Variants in SHANK2 observed in about 807,000 individuals in gnomAD.
SHANK2 encodes SH3 and multiple ankyrin repeat domains protein 2.
In SHANK2, 43 loss-of-function variants were observed where a neutral mutation model predicts 133.7. The ratio of observed to expected loss-of-function variants is 0.32; its 90% CI spans 0.25 to 0.41. The LOEUF is 0.41. Ranked by LOEUF, SHANK2 falls within the 10% of genes least tolerant of loss-of-function variation. SHANK2 has a pLI of 1.00. For missense variants in SHANK2, 1,994 were observed against 2,235.8 expected, an observed-to-expected ratio of 0.89 and a Z score of 2.18; for synonymous variants, 1,017 against 952.8, an observed-to-expected ratio of 1.07 and a Z score of -1.24.
At chr11:70,711,268 C>T (rs1945776052) in intron 14 of SHANK2, among the ~76,000 whole-genome samples, 1 of 152,170 alleles carries the variant, frequency 6.6e-6, no homozygotes, top group Non-Finnish European at 1.5e-5. Flanking sequence ...CTCAGGGTCA[C>T]CCGGGTGGCA....
At chr11:70,759,464 AGAGCAAG>A (rs1946943264) in intron 14 of SHANK2, among the ~76,000 whole-genome samples, 1 of 152,246 alleles carries the variant, frequency 6.6e-6, no homozygotes, top group Non-Finnish European at 1.5e-5. Context: ...CCTGGGCTAC[AGAGCAAG>A]ACTCCATCTC....
At chr11:70,936,729 C>T (rs1394193502) in intron 10 of SHANK2, among the ~76,000 whole-genome samples, 3 of 152,098 alleles carry the variant, frequency 2.0e-5, no homozygotes, top group East Asian at 3.9e-4. Flanking sequence ...TGGTGCAGGC[C>T]GGGTGGGTTC....
intron 14 of SHANK2, among the ~76,000 whole-genome samples, chr11:70,753,302 A>G (rs1555037872): frequency 6.6e-6 from 1 of 152,184 alleles, no homozygotes; most frequent in Non-Finnish European, 1.5e-5. Flanking sequence ...GGCTATAAAC[A>G]CTTAAAAATA....
intron 2 of SHANK2, among the ~76,000 whole-genome samples, chr11:71,163,787 C>A (rs578113843): frequency 3.3e-5 from 5 of 152,276 alleles, no homozygotes; most frequent in African/African-American, 7.2e-5. Context: ...CAATTCACTC[C>A]CCATCCTTTC....
At chr11:70,684,115 A>AAG (rs1211457802) in intron 15 of SHANK2, among the ~76,000 whole-genome samples, 1 of 151,752 alleles carries the variant, frequency 6.6e-6, no homozygotes, top group African/African-American at 2.4e-5. Context: ...AATGAATGAA[A>AAG]AGAGAGAGAG....
intron 11 of SHANK2, among the ~76,000 whole-genome samples, chr11:70,855,957 GA>G (rs1278438852): frequency 6.6e-6 from 1 of 152,130 alleles, no homozygotes; most frequent in Non-Finnish European, 1.5e-5. Flanking sequence ...ATGGATGGCT[GA>G]ATGAAGAAAT....
intron 11 of SHANK2, among the ~76,000 whole-genome samples, chr11:70,892,379 A>C (rs1949860462): frequency 6.6e-6 from 1 of 151,938 alleles, no homozygotes; most frequent in African/African-American, 2.4e-5. Context: ...CCTGTTGGTG[A>C]TCTGTGGCCC....
rs556229619 is a variant in SHANK2, at chr11:71,188,516, G to A, written c.-13+36181C>T. 6.6e-5 allele frequency among the ~76,000 whole-genome samples: 10 copies of A among 152,314 alleles called. No homozygotes were observed. Among genetic ancestry groups the A allele is most frequent in the South Asian group, 4.2e-4 (2 of 4,814 alleles). On this transcript the variant is annotated intron_variant, in intron 2 of 25. Transcript: ENST00000601538. The surrounding 1 kb of genome is among the most constrained non-coding windows in gnomAD (Gnocchi z 4.6). The stretch of plus-strand genomic sequence containing the variant: ...CTGCAAATATTTACAGTGGACGTAC[G>A]AAAAGGCACAGGAATACTGAGTAAT...
At chr11:71,082,942 C>T (rs1465762245) in intron 8 of SHANK2, among the ~76,000 whole-genome samples, 2 of 142,170 alleles carry the variant, frequency 1.4e-5, no homozygotes, top group South Asian at 2.3e-4. Flanking sequence ...TCTTAACGCC[C>T]GCCCCCCCCC....
intron 14 of SHANK2, among the ~76,000 whole-genome samples, chr11:70,699,476 G>A (rs1450388818): frequency 2.6e-5 from 4 of 152,102 alleles, no homozygotes; most frequent in African/African-American, 9.7e-5. Flanking sequence ...TCCCAAACAG[G>A]ATTTCCTGCA....
intron 17 of SHANK2, among the ~76,000 whole-genome samples, chr11:70,533,095 C>A (rs2059497235): frequency 6.6e-6 from 1 of 152,010 alleles, no homozygotes; most frequent in Admixed American, 6.6e-5. Flanking sequence ...GGGGGAGGGG[C>A]AATGGGAGGG....
intron 10 of SHANK2, among the ~76,000 whole-genome samples, chr11:70,929,540 C>G (rs1256087275): frequency 1.3e-5 from 2 of 152,152 alleles, no homozygotes; most frequent in Non-Finnish European, 2.9e-5. Flanking sequence ...CATTTTTGGG[C>G]TCATGGCTCC....
intron 17 of SHANK2, among the ~76,000 whole-genome samples, chr11:70,579,334 A>T (rs1488077959): frequency 6.6e-6 from 1 of 152,224 alleles, no homozygotes. Flanking sequence ...AGTGTCCCTG[A>T]AAAGGCCCAG....
At chr11:70,785,605 G>A (rs1947633435) in intron 14 of SHANK2, among the ~76,000 whole-genome samples, 1 of 152,232 alleles carries the variant, frequency 6.6e-6, no homozygotes, top group African/African-American at 2.4e-5. Context: ...GCACCCCCCA[G>A]GGGCTGGGCA....
At chr11:70,529,472 C>T (rs968842503) in intron 17 of SHANK2, among the ~76,000 whole-genome samples, 14 of 152,354 alleles carry the variant, frequency 9.2e-5, no homozygotes, top group African/African-American at 2.4e-4. Context: ...TGCAGTGCGG[C>T]GGATGCAGAT....
chr11:70,781,516 T>C (rs1344917348), intron 14 of SHANK2, among the ~76,000 whole-genome samples: 6 of 136,710 alleles, frequency 4.4e-5, no homozygotes, highest in Admixed American at 2.3e-4. Context: ...CAGTCATTCC[T>C]ACACATTTAT....
chr11:70,939,562 A>G (rs1950617176), intron 10 of SHANK2, among the ~76,000 whole-genome samples: 1 of 152,178 alleles, frequency 6.6e-6, no homozygotes, highest in African/African-American at 2.4e-5. Context: ...TGTCTGGGGC[A>G]GCCTGCTCAC....
intron 23 of SHANK2, chr11:70,489,953 G>A (rs2058861696): frequency 2.7e-6 from 1 of 375,054 alleles, no homozygotes; most frequent in South Asian, 2.4e-5. Context: ...GGTGGGGGAG[G>A]GGGGTTGGCT....
chr11:70,683,941 G>A (rs917970798), intron 15 of SHANK2, among the ~76,000 whole-genome samples: 6 of 151,882 alleles, frequency 4.0e-5, no homozygotes, highest in Non-Finnish European at 7.4e-5. Context: ...ACACCACCAC[G>A]CCCAGCTAAT....
Sources: allele counts gnomAD v4.1 joint callset (sites outside exome capture counted in the v4.1 genomes callset), GRCh38; gene constraint gnomAD v4.1.1; non-coding constraint Gnocchi (gnomAD v3.1); transcripts MANE v1.5; gene names NCBI Gene and HGNC (gene_info 2026-07-23, HGNC 2026-07-21).